Variants in NRXN3 observed in about 807,000 individuals in gnomAD.
NRXN3 encodes the protein neurexin 3.
Under a neutral mutation model 137.6 loss-of-function variants are expected in NRXN3, and 32 were observed. The ratio of observed to expected loss-of-function variants is 0.23; its 90% CI spans 0.18 to 0.31. The LOEUF (loss-of-function observed/expected upper bound fraction) is 0.31. Ranked by LOEUF, NRXN3 falls within the 10% of genes least tolerant of loss-of-function variation. The probability of loss-of-function intolerance (pLI) is 1.00; values close to 1 mark genes in which losing one functional copy is unlikely to be tolerated. For missense variants in NRXN3, 1,574 were observed against 2,062.5 expected, an observed-to-expected ratio of 0.76 and a Z score of 4.59; for synonymous variants, 798 against 784.5, an observed-to-expected ratio of 1.02 and a Z score of -0.29.
At chr14:79,508,141 C>T (rs141382247) in intron 16 of NRXN3, among the ~76,000 whole-genome samples, 62 of 152,118 alleles carry the variant, frequency 4.1e-4, no homozygotes, top group African/African-American at 1.4e-3. Context: ...AGTCCAGATT[C>T]GTAATCTATT....
intron 15 of NRXN3, among the ~76,000 whole-genome samples, chr14:79,209,313 TAA>T (rs376791418): frequency 0.029 from 4,210 of 143,994 alleles, 140 homozygotes; most frequent in East Asian, 0.098. Context: ...CAGTCTTTAT[TAA>T]AAAAAAAAAA....
chr14:79,049,129 T>C (rs1404852859), intron 15 of NRXN3, among the ~76,000 whole-genome samples: 2 of 145,924 alleles, frequency 1.4e-5, no homozygotes, highest in African/African-American at 5.1e-5. Context: ...CTGATTCTTC[T>C]GTTTACAAAG....
chr14:78,633,531 A>T (rs2097541697), intron 4 of NRXN3, among the ~76,000 whole-genome samples: 2 of 152,112 alleles, frequency 1.3e-5, no homozygotes, highest in South Asian at 4.1e-4. Context: ...AGACCCTGGG[A>T]ATTAGCAGTC....
chr14:78,956,561 C>G (rs1245169502), intron 10 of NRXN3, among the ~76,000 whole-genome samples: 1 of 152,184 alleles, frequency 6.6e-6, no homozygotes, highest in East Asian at 1.9e-4. Context: ...AACTTTACAT[C>G]ATTTCAGTTT....
At chr14:78,528,326 AATTCCC>A (rs2096410375) in intron 4 of NRXN3, among the ~76,000 whole-genome samples, 1 of 152,206 alleles carries the variant, frequency 6.6e-6, no homozygotes, top group Admixed American at 6.5e-5. Context: ...CCTTCAGTGG[AATTCCC>A]ATTTTGTGTA....
chr14:78,794,827 C>A (rs2098816384), intron 8 of NRXN3, among the ~76,000 whole-genome samples: 2 of 151,936 alleles, frequency 1.3e-5, no homozygotes, highest in Non-Finnish European at 2.9e-5. Context: ...GTAATCCCAG[C>A]ACTTTGGGAG....
rs376362479 is a variant in NRXN3, at chr14:78,803,909, G to GT, written c.2248+89dup. ...TTTCATTGGTTTGATTGAATTCTTTGTTTGTTTCTTGAAAGTTAGCTGCTC... is the reference window on the plus strand; with the variant it reads ...TTTCATTGGTTTGATTGAATTCTTTGTTTTGTTTCTTGAAAGTTAGCTGCTC... On this transcript the variant is annotated intron_variant, in intron 9 of 20. Transcript: ENST00000335750. The GT allele has an allele frequency of 6.7e-6, 9 of 1,339,506 alleles. No homozygotes were observed. The African/African-American group carries it at 8.6e-5, about 13-fold the overall frequency. The allele number at this position is 1,339,506 out of a possible 1,614,324, so 83.0% of individuals were successfully genotyped here. A position where few individuals can be genotyped will look rare whatever the true frequency, so the allele number is the denominator to read the frequency against.
chr14:79,010,660 T>G (rs1355500325), intron 15 of NRXN3, among the ~76,000 whole-genome samples: 2 of 152,206 alleles, frequency 1.3e-5, no homozygotes, highest in Admixed American at 1.3e-4. Context: ...ATGGAATATT[T>G]TCTAATTTTA....
At chr14:78,897,002 A>G (rs113431683) in intron 10 of NRXN3, among the ~76,000 whole-genome samples, 338 of 152,036 alleles carry the variant, frequency 2.2e-3, no homozygotes, top group African/African-American at 7.4e-3. Context: ...CTGATCTTGT[A>G]AAGAAAGTTT....
chr14:79,760,522 G>A lies in NRXN3; in HGVS notation c.4015-44590G>A, dbSNP rs565489972. 2.6e-4 allele frequency: 39 copies of A among 148,412 alleles called. 1 individual carries two copies. The highest frequency in any genetic ancestry group is 9.8e-4 in the African/African-American group (39 of 39,882). 9.2% of individuals were successfully genotyped at this position (148,412 alleles called of 1,614,324 possible). On this transcript the variant is annotated intron_variant, in intron 19 of 20. Transcript: ENST00000335750. ...GTTACAAAGACAAGAAGAAAAAAGT[G>A]GAAGAGAAAAATAAGGAGAAAAAAT...
At chr14:79,523,441 C>CT (rs1308350595) in intron 16 of NRXN3, among the ~76,000 whole-genome samples, 3 of 152,092 alleles carry the variant, frequency 2.0e-5, no homozygotes, top group Non-Finnish European at 4.4e-5. Flanking sequence ...ACCATGCTGT[C>CT]TAACAGCCAA....
intron 16 of NRXN3, among the ~76,000 whole-genome samples, chr14:79,500,654 AAG>A (rs1460046644): frequency 6.6e-6 from 1 of 152,124 alleles, no homozygotes; most frequent in African/African-American, 2.4e-5. Context: ...CTGCTTTGCT[AAG>A]AGAACATCAA....
chr14:78,630,203 G>A (rs976160591), intron 4 of NRXN3, among the ~76,000 whole-genome samples: 1 of 152,198 alleles, frequency 6.6e-6, no homozygotes, highest in Non-Finnish European at 1.5e-5. Flanking sequence ...ACCATGTTTA[G>A]ACTAACATCT....
Position 78,635,819 on chromosome 14 carries a change from T to C in NRXN3, c.758-9301T>C, listed in dbSNP as rs74064162. 2.3e-3 allele frequency among the ~76,000 whole-genome samples: 355 copies of C among 152,338 alleles called. 2 individuals carry two copies. Among genetic ancestry groups the C allele is most frequent in the African/African-American group, 8.3e-3 (345 of 41,580 alleles). On this transcript the variant is annotated intron_variant, in intron 4 of 20. Coordinates refer to ENST00000335750, the MANE Select transcript of NRXN3 (RefSeq NM_001330195.2). ...CAAAATTCTATGTGAAACTTATTTA[T>C]AGGAAGTCAATTCTGGTTAAGTTCT...
intron 19 of NRXN3, among the ~76,000 whole-genome samples, chr14:79,784,614 CTTTTTTT>C (rs540234381): frequency 5.2e-5 from 4 of 76,622 alleles, no homozygotes; most frequent in Non-Finnish European, 7.6e-5. Flanking sequence ...TGTTGTGTTG[CTTTTTTT>C]TTTTTTTTTT....
intron 16 of NRXN3, among the ~76,000 whole-genome samples, chr14:79,544,986 A>G (rs1233859760): frequency 1.3e-5 from 2 of 152,200 alleles, no homozygotes; most frequent in African/African-American, 4.8e-5. Context: ...CTCTTCTACA[A>G]GTAAGTCTTA....
chr14:78,501,820 G>A (rs2095881541), intron 4 of NRXN3, among the ~76,000 whole-genome samples: 1 of 152,110 alleles, frequency 6.6e-6, no homozygotes, highest in African/African-American at 2.4e-5. Context: ...ATGGAATAAG[G>A]AATTAGATGC....
chr14:79,233,856 T>A (rs1442094995), intron 15 of NRXN3, among the ~76,000 whole-genome samples: 2 of 152,198 alleles, frequency 1.3e-5, no homozygotes, highest in East Asian at 3.9e-4. Flanking sequence ...TTTATTTGTT[T>A]GGTTTTGTAT....
intron 8 of NRXN3, among the ~76,000 whole-genome samples, chr14:78,715,361 T>A (rs2098426462): frequency 6.6e-6 from 1 of 152,228 alleles, no homozygotes; most frequent in African/African-American, 2.4e-5. Flanking sequence ...TAAATATTAC[T>A]GTGATTATGA....
Sources: allele counts gnomAD v4.1 joint callset (sites outside exome capture counted in the v4.1 genomes callset), GRCh38; gene constraint gnomAD v4.1.1; transcripts MANE v1.5; gene names NCBI Gene and HGNC (gene_info 2026-07-23, HGNC 2026-07-21).